CSMD1: variants seen among roughly 807,000 people sequenced by gnomAD.
CSMD1 encodes CUB and Sushi multiple domains 1.
CSMD1 carries 213 observed loss-of-function variants against 417.5 expected under a neutral mutation model. That is an observed-to-expected ratio of 0.51 (90% CI 0.46 to 0.57). CSMD1 has a LOEUF of 0.57. Ranked by LOEUF, CSMD1 falls within the 20% of genes least tolerant of loss-of-function variation. The pLI, the probability that CSMD1 is intolerant of heterozygous loss-of-function variation, is 0.00. For missense variants in CSMD1, 6,923 were observed against 4,529.7 expected, an observed-to-expected ratio of 1.53 and a Z score of -15.17; for synonymous variants, 2,862 against 1,736.8, an observed-to-expected ratio of 1.65 and a Z score of -16.11.
intron 3 of CSMD1, among the ~76,000 whole-genome samples, chr8:4,163,948 G>A (rs1372112439): frequency 1.3e-5 from 2 of 152,066 alleles, no homozygotes; most frequent in East Asian, 1.9e-4. Flanking sequence ...AGTTTTCCAG[G>A]CTTCTCAAAT....
intron 1 of CSMD1, among the ~76,000 whole-genome samples, chr8:4,825,677 T>C (rs921305166): frequency 6.6e-6 from 1 of 150,988 alleles, no homozygotes; most frequent in Admixed American, 6.7e-5. Flanking sequence ...ATCAATCCAG[T>C]GAAAAGGCAA....
chr8:4,933,922 T>G (rs1318939205), intron 1 of CSMD1, among the ~76,000 whole-genome samples: 7 of 152,172 alleles, frequency 4.6e-5, no homozygotes, highest in African/African-American at 1.7e-4. Flanking sequence ...TTTTTAAATT[T>G]CATAATAGGC....
intron 2 of CSMD1, among the ~76,000 whole-genome samples, chr8:4,622,575 C>A (rs193015973): frequency 6.6e-6 from 1 of 152,034 alleles, no homozygotes; most frequent in Admixed American, 6.6e-5. Context: ...AGCTGGCAAA[C>A]GCGACATGTG....
chr8:4,012,333 T>C (rs1816607333), intron 4 of CSMD1, among the ~76,000 whole-genome samples: 1 of 152,184 alleles, frequency 6.6e-6, no homozygotes. Context: ...TGTCCAAGAT[T>C]CATTCTCTTC....
Position 3,190,025 on chromosome 8 carries a change from A to T in CSMD1, c.5285T>A (p.Ile1762Asn), listed in dbSNP as rs756667403. Residue 1762 changes from isoleucine (I) to asparagine (N), a missense_variant, in exon 34 of 70, where the codon ATC (isoleucine) becomes AAC (asparagine). Ile to Asn is a moderately radical substitution (Grantham distance 149, BLOSUM62 -3). Transcript: ENST00000635120. ...TCCCGGGTTGCACTCGAATCGGACG[A>T]TGGAGCCGGCAGAAAACTCAGAACC... Reference protein sequence around the residue: ...RIGSEFSAGSIVRFECNPGYL... With the variant: ...RIGSEFSAGSNVRFECNPGYL... 3.8e-5 allele frequency: 60 copies of T among 1,595,492 alleles called. No individual in the cohort carries two copies. The highest frequency in any genetic ancestry group is 8.5e-6 in the Non-Finnish European group (10 of 1,171,276).
intron 2 of CSMD1, among the ~76,000 whole-genome samples, chr8:4,450,387 G>T (rs780973107): frequency 1.3e-5 from 2 of 152,232 alleles, no homozygotes; most frequent in African/African-American, 2.4e-5. Context: ...CAGCACTTTG[G>T]AAGGCTGAGG....
intron 4 of CSMD1, among the ~76,000 whole-genome samples, chr8:4,017,856 G>A (rs933196830): frequency 6.6e-6 from 1 of 152,124 alleles, no homozygotes; most frequent in African/African-American, 2.4e-5. Flanking sequence ...ATCTGGTGGT[G>A]ATCCATCATG....
chr8:4,707,177 T>C (rs894438775), intron 1 of CSMD1, among the ~76,000 whole-genome samples: 1 of 152,208 alleles, frequency 6.6e-6, no homozygotes, highest in Admixed American at 6.5e-5. Flanking sequence ...CTTCCTCTTA[T>C]TGAATAGTTA....
At chr8:3,249,192 C>A (rs547371299) in intron 26 of CSMD1, among the ~76,000 whole-genome samples, 2 of 152,088 alleles carry the variant, frequency 1.3e-5, no homozygotes, top group Non-Finnish European at 2.9e-5. Flanking sequence ...TATGAAGAAT[C>A]AAGATGCACT....
chr8:3,990,365 G>C (rs35438118), intron 5 of CSMD1, among the ~76,000 whole-genome samples: 2 of 152,088 alleles, frequency 1.3e-5, no homozygotes, highest in East Asian at 1.9e-4. Context: ...CAGAACTGTA[G>C]AGTTCAACTC....
chr8:4,764,883 A>AAAAC (rs1812346818), intron 1 of CSMD1, among the ~76,000 whole-genome samples: 1 of 51,432 alleles, frequency 1.9e-5, no homozygotes, highest in Non-Finnish European at 3.3e-5. Flanking sequence ...AAAAAAAAAA[A>AAAAC]AAAAAAAAAA....
intron 1 of CSMD1, among the ~76,000 whole-genome samples, chr8:4,738,037 A>T (rs896450210): frequency 6.6e-6 from 1 of 152,230 alleles, no homozygotes; most frequent in African/African-American, 2.4e-5. Flanking sequence ...AGAGAGAATA[A>T]GAAAAGTGGT....
chr8:4,381,720 G>A (rs909972959), intron 3 of CSMD1, among the ~76,000 whole-genome samples: 3 of 152,166 alleles, frequency 2.0e-5, no homozygotes, highest in Admixed American at 6.5e-5. Context: ...TCACGCTGCC[G>A]TGGATGGACT....
chr8:4,598,773 A>G (rs62486692), intron 2 of CSMD1, among the ~76,000 whole-genome samples: 1 of 152,206 alleles, frequency 6.6e-6, no homozygotes. Flanking sequence ...AAGTAGGTGG[A>G]AAATTTTTTT....
intron 55 of CSMD1, among the ~76,000 whole-genome samples, chr8:2,977,342 A>G (rs1295279530): frequency 6.6e-6 from 1 of 152,132 alleles, no homozygotes; most frequent in South Asian, 2.1e-4. Flanking sequence ...ATAAGTGAGA[A>G]TTTGTGGTGT....
intron 12 of CSMD1, among the ~76,000 whole-genome samples, chr8:3,423,599 TC>T (rs1452247131): frequency 3.3e-5 from 5 of 152,220 alleles, no homozygotes; most frequent in Non-Finnish European, 5.9e-5. Context: ...GGTCCTCCAC[TC>T]TGTGGCTTTG....
intron 6 of CSMD1, among the ~76,000 whole-genome samples, chr8:3,713,881 C>G (rs1801668897): frequency 6.6e-6 from 1 of 152,096 alleles, no homozygotes; most frequent in Non-Finnish European, 1.5e-5. Flanking sequence ...TTTTCATTAA[C>G]TTGCATGTTT....
At chr8:4,001,075 C>G (rs963421934) in intron 4 of CSMD1, among the ~76,000 whole-genome samples, 1 of 150,980 alleles carries the variant, frequency 6.6e-6, no homozygotes, top group Non-Finnish European at 1.5e-5. Context: ...AAACTGACAT[C>G]AAATGATTAT....
chr8:4,440,535 A>C (rs732467), intron 2 of CSMD1, among the ~76,000 whole-genome samples: 53,052 of 152,098 alleles, frequency 0.35, 10,866 homozygotes, highest in East Asian at 0.47. Flanking sequence ...ATGTACAGAT[A>C]ACATTGCTGA....
Sources: gnomAD v4.1 joint callset for allele counts (sites outside exome capture counted in the v4.1 genomes callset) on GRCh38, gnomAD v4.1.1 for gene constraint, MANE v1.5 for transcripts, NCBI Gene and HGNC (gene_info 2026-07-23, HGNC 2026-07-21) for gene names.